The following RPRD2 variants were observed in gnomAD, a reference collection of about 807,000 sequenced individuals.
The protein encoded by RPRD2 is regulation of nuclear pre-mRNA domain-containing protein 2.
Under a neutral mutation model 104.4 loss-of-function variants are expected in RPRD2, and 12 were observed. The observed-to-expected ratio is 0.11, with a 90% CI of 0.07 to 0.19. RPRD2 has a LOEUF of 0.19. Among genes scored for constraint, RPRD2 ranks in the 10% least tolerant of loss-of-function variants. The pLI, the probability that RPRD2 is intolerant of heterozygous loss-of-function variation, is 1.00. For missense variants in RPRD2, 1,543 were observed against 1,790.1 expected, an observed-to-expected ratio of 0.86 and a Z score of 2.49; for synonymous variants, 714 against 684.9, an observed-to-expected ratio of 1.04 and a Z score of -0.66.
intron 1 of RPRD2, among the ~76,000 whole-genome samples, chr1:150,388,246 C>G (rs1359520051): frequency 6.6e-6 from 1 of 151,624 alleles, no homozygotes; most frequent in East Asian, 1.9e-4. Context: ...AAAATTTTAG[C>G]TTTGCAGTAG....
intron 1 of RPRD2, among the ~76,000 whole-genome samples, chr1:150,414,390 A>G (rs1664184406): frequency 1.3e-5 from 2 of 152,218 alleles, no homozygotes; most frequent in South Asian, 4.1e-4. Flanking sequence ...TCCAAAGCTA[A>G]CAAGTGACAG....
chr1:150,464,862 T>C, intron 10 of RPRD2, 135 bp downstream of exon 10: 1 of 405,056 alleles, frequency 2.5e-6, no homozygotes, highest in Non-Finnish European at 3.9e-6. Flanking sequence ...TTTTATTTAT[T>C]TATTTATTTA....
chr1:150,394,510 C>T lies in RPRD2; in HGVS notation c.206-23086C>T, dbSNP rs116425201. Among the ~76,000 whole-genome samples, 239 of 152,194 alleles carry T rather than the reference C, an allele frequency of 1.6e-3. 2 individuals carry two copies. The highest frequency in any genetic ancestry group is 5.1e-3 in the African/African-American group (214 of 41,554). On this transcript the variant is annotated intron_variant, in intron 1 of 10. Transcript: ENST00000369068. ...TATATATAGAGAGATAGAGCTGATG[C>T]GGCAAGATATTAACGATTGCTAAAT...
intron 1 of RPRD2, among the ~76,000 whole-genome samples, chr1:150,416,524 T>C (rs1317278875): frequency 2.0e-5 from 3 of 152,018 alleles, no homozygotes; most frequent in Non-Finnish European, 4.4e-5. Flanking sequence ...TAAGGTGACT[T>C]TGCTCAGGGT....
intron 10 of RPRD2, among the ~76,000 whole-genome samples, chr1:150,469,618 A>T (rs1668482619): frequency 6.6e-6 from 1 of 152,208 alleles, no homozygotes. Flanking sequence ...AAATTTTTAA[A>T]AATATGATTG....
chr1:150,400,435 G>A (rs1187756569), intron 1 of RPRD2, among the ~76,000 whole-genome samples: 2 of 152,170 alleles, frequency 1.3e-5, no homozygotes, highest in South Asian at 2.1e-4. Context: ...CTGGGATGGG[G>A]TTGGTTTTGG....
chr1:150,406,804 T>C (rs1482880876), intron 1 of RPRD2, among the ~76,000 whole-genome samples: 1 of 152,196 alleles, frequency 6.6e-6, no homozygotes, highest in Non-Finnish European at 1.5e-5. Flanking sequence ...AACCTCCGTC[T>C]GCTGGGTTCA....
chr1:150,393,542 A>C (rs1662260931), intron 1 of RPRD2, among the ~76,000 whole-genome samples: 1 of 151,974 alleles, frequency 6.6e-6, no homozygotes. Context: ...TACAGTGTGA[A>C]TGTATCACCC....
chr1:150,368,205 GTTTTT>G (rs10572674), intron 1 of RPRD2, among the ~76,000 whole-genome samples: 1 of 112,742 alleles, frequency 8.9e-6, no homozygotes, highest in Non-Finnish European at 1.8e-5. Context: ...CTTATTTCTT[GTTTTT>G]TTTTTTTTTT....
In RPRD2 at chr1:150,380,857, A is replaced by G. The variant is rs587670693; in HGVS notation, c.205+15938A>G. 2.3e-3 allele frequency among the ~76,000 whole-genome samples: 345 copies of G among 151,974 alleles called. 2 individuals carry two copies. Among genetic ancestry groups the G allele is most frequent in the Middle Eastern group, 3.4e-3 (1 of 294 alleles). On this transcript the variant is annotated intron_variant, in intron 1 of 10. Transcript: ENST00000369068. ...TTTTTAGTAGAGACGGGGTTTCACC[A>G]TGTTGGCCAGGATGGTCTCTATCTC...
At chr1:150,412,338 G>A (rs587719579) in intron 1 of RPRD2, among the ~76,000 whole-genome samples, 41 of 152,240 alleles carry the variant, frequency 2.7e-4, no homozygotes, top group African/African-American at 9.6e-4. Context: ...TGACTAGAGT[G>A]GAGAGTTTGC....
At chr1:150,424,529 G>T (rs1314979250) in intron 2 of RPRD2, among the ~76,000 whole-genome samples, 1 of 151,914 alleles carries the variant, frequency 6.6e-6, no homozygotes, top group African/African-American at 2.4e-5. Context: ...CTCATGATCC[G>T]CCTGCCTTGA....
At chr1:150,369,352 C>T (rs1286161825) in intron 1 of RPRD2, among the ~76,000 whole-genome samples, 8 of 150,996 alleles carry the variant, frequency 5.3e-5, no homozygotes, top group Middle Eastern at 3.2e-3. Context: ...GCATGATCTC[C>T]GCTCACTGCA....
At chr1:150,441,531 G>T (rs1402599408) in intron 3 of RPRD2, 2 of 218,796 alleles carry the variant, frequency 9.1e-6, no homozygotes, top group Admixed American at 1.1e-4. Context: ...ACAGAAGTTT[G>T]TGATAATCTG....
intron 10 of RPRD2, among the ~76,000 whole-genome samples, chr1:150,468,447 A>C (rs1668416088): frequency 6.6e-6 from 1 of 152,228 alleles, no homozygotes; most frequent in Non-Finnish European, 1.5e-5. Flanking sequence ...TATCTTAAAA[A>C]GATGTTCTTT....
chr1:150,428,978 T>G (rs1665365820), intron 2 of RPRD2, among the ~76,000 whole-genome samples: 2 of 152,124 alleles, frequency 1.3e-5, no homozygotes, highest in African/African-American at 2.4e-5. Flanking sequence ...TTCTACAAGG[T>G]CAGCCAATTT....
At chr1:150,450,821 G>A (rs1211639769) in intron 7 of RPRD2, among the ~76,000 whole-genome samples, 1 of 151,768 alleles carries the variant, frequency 6.6e-6, no homozygotes, top group Non-Finnish European at 1.5e-5. Flanking sequence ...ATATTGGCCA[G>A]ACTGGTCTCA....
In RPRD2 at chr1:150,443,246, A is replaced by G; in HGVS notation, c.530A>G (p.Lys177Arg). ...ATTCCAACAGCATCTACAAATCCAAAAGCTGCTCTCAAGTCTAAGATAGTT... is the reference window on the plus strand; with the variant it reads ...ATTCCAACAGCATCTACAAATCCAAGAGCTGCTCTCAAGTCTAAGATAGTT... ...WKKSQTSTNPKAALKSKIVAE... is the reference protein window; with the variant it reads ...WKKSQTSTNPRAALKSKIVAE... The change falls in exon 5 of 11, where the codon AAA (lysine) becomes AGA (arginine). Residue 177 changes from lysine (K) to arginine (R), a missense_variant. Physicochemically the swap from Lys to Arg is conservative, Grantham distance 26 (BLOSUM62 2). Around this residue, in one of 4 missense-constraint regions of RPRD2, gnomAD observed 572 missense variants for 787.3 expected, o/e 0.73. Coordinates refer to ENST00000369068, the MANE Select transcript of RPRD2 (RefSeq NM_015203.5). The G allele has an allele frequency of 6.3e-7, 1 of 1,577,926 alleles. No individual in the cohort carries two copies. The highest frequency in any genetic ancestry group is 1.3e-5 in the African/African-American group (1 of 74,574).
intron 10 of RPRD2, among the ~76,000 whole-genome samples, chr1:150,467,842 C>T (rs1668378283): frequency 6.6e-6 from 1 of 152,028 alleles, no homozygotes; most frequent in African/African-American, 2.4e-5. Flanking sequence ...TCATCCACAG[C>T]CCTAGGTATT....
Sources: gnomAD v4.1 joint callset for allele counts (sites outside exome capture counted in the v4.1 genomes callset) on GRCh38, gnomAD v4.1.1 for gene constraint, gnomAD v4.1.1 regional missense constraint, MANE v1.5 for transcripts, NCBI Gene and HGNC (gene_info 2026-07-23, HGNC 2026-07-21) for gene names.